Variants in DNAJC17 observed in about 807,000 individuals in gnomAD.
DNAJC17 encodes the protein DnaJ heat shock protein family (Hsp40) member C17.
A neutral mutation model predicts 48.1 loss-of-function variants in DNAJC17; 35 were observed. That is an observed-to-expected ratio of 0.73 (90% CI 0.56 to 0.96). DNAJC17 has a LOEUF of 0.96. Ranked by LOEUF, DNAJC17 falls within the 50% of genes least tolerant of loss-of-function variation. The pLI is 0.00. For missense variants in DNAJC17, 355 were observed against 377.1 expected (o/e 0.94, Z 0.48); for synonymous variants, 117 against 142.7 (o/e 0.82, Z 1.28).
intron 4 of DNAJC17, among the ~76,000 whole-genome samples, chr15:40,777,099 G>C (rs1889347911): frequency 6.6e-6 from 1 of 152,166 alleles, no homozygotes; most frequent in South Asian, 2.1e-4. Flanking sequence ...CTGTGGACCT[G>C]GCTACAGGGA....
rs750145696 is a variant in DNAJC17 at position 40,774,356 on chromosome 15, C to T, written c.681G>A (p.Ala227=). The part of the protein sequence containing the change: ...AVVEFATVKA[A]ELAVQNEVGL... ...CCCCCAAGCCTCATGCAGCACTCACCGCTGCCTTGACGGTTGCAAACTCCA... is the reference window on the plus strand; with the variant it reads ...CCCCCAAGCCTCATGCAGCACTCACTGCTGCCTTGACGGTTGCAAACTCCA... Residue 227 remains alanine (A), a splice_region_variant and synonymous_variant, in exon 9 of 11, where the codon GCG becomes GCA. Coordinates refer to ENST00000220496, the MANE Select transcript of DNAJC17 (RefSeq NM_018163.3). 1.5e-5 allele frequency: 25 copies of T among 1,613,782 alleles called. No individual in the cohort carries two copies. The highest frequency in any genetic ancestry group is 6.7e-5 in the East Asian group (3 of 44,892).
At chr15:40,806,375 C>T (rs964159221) in intron 1 of DNAJC17, among the ~76,000 whole-genome samples, 1 of 151,842 alleles carries the variant, frequency 6.6e-6, no homozygotes, top group Non-Finnish European at 1.5e-5. Context: ...TGTGCCACCA[C>T]GCCCGGCTAA....
Position 40,790,616 on chromosome 15 carries a change from T to TG in DNAJC17, c.79-10620_79-10619insC, listed in dbSNP as rs554620256. 4.9e-3 allele frequency among the ~76,000 whole-genome samples: 753 copies of TG among 152,240 alleles called. 8 individuals carry two copies. The highest frequency in any genetic ancestry group is 0.017 in the African/African-American group (719 of 41,544). On this transcript the variant is annotated intron_variant, in intron 1 of 10. Coordinates refer to ENST00000220496, the MANE Select transcript of DNAJC17 (RefSeq NM_018163.3). ...AAATAAAAATAAAATAAGGTGGCAG[T>TG]ACCAGCCACCTTATGCTGGGCGAAT...
chr15:40,801,417 G>A (rs1197091384), intron 1 of DNAJC17, among the ~76,000 whole-genome samples: 4 of 152,180 alleles, frequency 2.6e-5, no homozygotes. Flanking sequence ...CAGAAGGGGA[G>A]GAAGAGCATT....
chr15:40,786,906 G>A (rs1375871593), intron 1 of DNAJC17, among the ~76,000 whole-genome samples: 2 of 152,206 alleles, frequency 1.3e-5, no homozygotes, highest in African/African-American at 2.4e-5. Flanking sequence ...GACTGGTTGA[G>A]TTTAATCTGT....
chr15:40,775,143 G>C, intron 7 of DNAJC17, 35 bp from the exon 8 acceptor site: 1 of 1,603,282 alleles, frequency 6.2e-7, no homozygotes, highest in Non-Finnish European at 8.5e-7. Flanking sequence ...CTGATTCTTG[G>C]CTGAACAGTA....
rs763434298 is a variant in DNAJC17 at position 40,768,043 on chromosome 15, C to T, written c.812G>A (p.Arg271Lys). 3.8e-6 allele frequency: 6 copies of T among 1,583,546 alleles called. No homozygotes were observed. The highest frequency in any genetic ancestry group is 3.7e-5 in the Admixed American group (2 of 54,224). ...CATCATGACGAGGCTCTCGTAGTCC[C>T]TCTCTGACAGCACTGAGCCCTGTCG... ...GLSKGSVLSE[R>K]DYESLVMMRM... The change falls in exon 11 of 11, where the codon AGG (arginine) becomes AAG (lysine). Residue 271 changes from arginine (R) to lysine (K), a missense_variant. Arg to Lys is a conservative substitution (Grantham distance 26). Coordinates refer to ENST00000220496, the MANE Select transcript of DNAJC17 (RefSeq NM_018163.3).
chr15:40,774,854 T>C (rs775426526), intron 8 of DNAJC17, 177 bp downstream of exon 8: 3 of 672,592 alleles, frequency 4.5e-6, no homozygotes, highest in African/African-American at 1.8e-5. Context: ...GCCACACAAG[T>C]GAAAGCAAGG....
chr15:40,776,283 G>A lies in DNAJC17; in HGVS notation c.391C>T (p.Leu131=). 1.2e-6 allele frequency: 2 copies of A among 1,614,108 alleles called. No individual in the cohort carries two copies. The highest frequency in any genetic ancestry group is 1.7e-6 in the Non-Finnish European group (2 of 1,180,010). Residue 131 remains leucine (L), a synonymous_variant, in exon 6 of 11, where the codon CTG becomes TTG. Coordinates refer to ENST00000220496, the MANE Select transcript of DNAJC17 (RefSeq NM_018163.3). ...TRTLEQEIER[L]REEGSRQLEE... The stretch of plus-strand genomic sequence containing the variant: ...AGCTGCCGGGAACCCTCTTCTCTCA[G>A]GCGTTCGATCTGCAGAGCAGGGGGT...
At chr15:40,806,067 G>C (rs955359998) in intron 1 of DNAJC17, among the ~76,000 whole-genome samples, 1 of 152,040 alleles carries the variant, frequency 6.6e-6, no homozygotes, top group Admixed American at 6.6e-5. Flanking sequence ...CGGCTGCAGG[G>C]GACAGATTTG....
In DNAJC17 at chr15:40,775,016, G is replaced by C; in HGVS notation, c.600+15C>G. On this transcript the variant is annotated intron_variant, in intron 8 of 10. Transcript: ENST00000220496. Reference sequence around the variant, plus strand: ...ACTGAGATGATAGGAAAGAGTGGACGTCAACAGGGCCGACCTTCTGCAAAA... The same window carrying C: ...ACTGAGATGATAGGAAAGAGTGGACCTCAACAGGGCCGACCTTCTGCAAAA... The C allele has an allele frequency of 6.2e-7, 1 of 1,613,994 alleles. No individual in the cohort carries two copies. Among genetic ancestry groups the C allele is most frequent in the Non-Finnish European group, 8.5e-7 (1 of 1,179,926 alleles).
intron 10 of DNAJC17, among the ~76,000 whole-genome samples, 191 bp downstream of exon 10, chr15:40,773,536 G>C (rs988812063): frequency 6.6e-6 from 1 of 152,186 alleles, no homozygotes; most frequent in African/African-American, 2.4e-5. Flanking sequence ...AGTGTGGGTG[G>C]GGCCTCTCTG....
In DNAJC17 at chr15:40,770,755, G is replaced by A. The variant is rs368691469; in HGVS notation, c.793-2693C>T. ...CCACCCAAGCCCCCACGCCTCTACC[G>A]AGAGAGCTCAAGCTGCCCCAACATC... is the stretch of plus-strand genomic sequence containing the variant. On this transcript the variant is annotated intron_variant, in intron 10 of 10. Transcript: ENST00000220496. The surrounding 1 kb of genome is among the most constrained non-coding windows in gnomAD (Gnocchi z 5.0). 3.7e-5 allele frequency: 57 copies of A among 1,545,752 alleles called. No individual in the cohort carries two copies. The highest frequency in any genetic ancestry group is 3.2e-4 in the South Asian group (27 of 84,038).
intron 1 of DNAJC17, among the ~76,000 whole-genome samples, chr15:40,790,134 GT>G (rs1398740966): frequency 2.0e-5 from 3 of 152,084 alleles, no homozygotes; most frequent in Non-Finnish European, 4.4e-5. Flanking sequence ...TACCTGCTGG[GT>G]TTACCCAAGT....
At chr15:40,802,964 A>G (rs1159961717) in intron 1 of DNAJC17, among the ~76,000 whole-genome samples, 3 of 152,084 alleles carry the variant, frequency 2.0e-5, no homozygotes, top group Non-Finnish European at 4.4e-5. Flanking sequence ...TTAGCCAGGC[A>G]TGGCGGTGCA....
chr15:40,765,907 C>A lies in DNAJC17; in HGVS notation c.*2033G>T. 6.4e-7 allele frequency: 1 copy of A among 1,565,410 alleles called. No homozygotes were observed. The highest frequency in any genetic ancestry group is 8.7e-7 in the Non-Finnish European group (1 of 1,145,736). ...ATCTGGGGGCTTCAAAGAGAAGAGC[C>A]TTGGGAAACAACTTGTAAGTAGCAG... is the stretch of plus-strand genomic sequence containing the variant. On this transcript the variant is annotated 3_prime_UTR_variant, in exon 11 of 11. Transcript: ENST00000220496.
intron 1 of DNAJC17, among the ~76,000 whole-genome samples, chr15:40,782,851 AG>A (rs1889540618): frequency 6.6e-6 from 1 of 152,094 alleles, no homozygotes; most frequent in Non-Finnish European, 1.5e-5. Context: ...TGGCAGCCCA[AG>A]CTGTTTGGTT....
chr15:40,794,327 G>A (rs1889891583), intron 1 of DNAJC17, among the ~76,000 whole-genome samples: 1 of 151,656 alleles, frequency 6.6e-6, no homozygotes, highest in African/African-American at 2.4e-5. Flanking sequence ...TCCAGCCTGG[G>A]GGATAGAATG....
At chr15:40,774,573 A>G in intron 8 of DNAJC17, 137 bp from the exon 9 acceptor site, 2 of 896,048 alleles carry the variant, frequency 2.2e-6, no homozygotes, top group Non-Finnish European at 3.5e-6. Context: ...CCACCTACTT[A>G]TCTTAGTGAA....
Sources: allele counts gnomAD v4.1 joint callset (sites outside exome capture counted in the v4.1 genomes callset), GRCh38; gene constraint gnomAD v4.1.1; non-coding constraint Gnocchi (gnomAD v3.1); transcripts MANE v1.5; gene names NCBI Gene and HGNC (gene_info 2026-07-23, HGNC 2026-07-21).